The following PLEKHG7 variants were observed in gnomAD, a reference collection of about 807,000 sequenced individuals.
PLEKHG7 encodes the protein pleckstrin homology and RhoGEF domain containing G7, also known as pleckstrin homology domain-containing family G member 7.
Under a neutral mutation model 85.2 loss-of-function variants are expected in PLEKHG7, and 77 were observed. The ratio of observed to expected loss-of-function variants is 0.90; its 90% confidence interval spans 0.75 to 1.09. The LOEUF (loss-of-function observed/expected upper bound fraction) is 1.09. Among genes scored for constraint, PLEKHG7 ranks in the 50% least tolerant of loss-of-function variants. PLEKHG7 has a pLI of 0.00. For missense variants in PLEKHG7, 777 were observed against 804.3 expected, an observed-to-expected ratio of 0.97 and a Z score of 0.41; for synonymous variants, 301 against 302.4, an observed-to-expected ratio of 1.00 and a Z score of 0.05.
intron 3 of PLEKHG7, among the ~76,000 whole-genome samples, chr12:92,725,283 G>C (rs1425664784): frequency 6.6e-6 from 1 of 152,168 alleles, no homozygotes; most frequent in Non-Finnish European, 1.5e-5. Flanking sequence ...GCAAAGTAAG[G>C]AATATCAGGC....
chr12:92,728,732 T>G (rs1284594175), intron 3 of PLEKHG7, among the ~76,000 whole-genome samples: 2 of 152,006 alleles, frequency 1.3e-5, no homozygotes, highest in African/African-American at 4.8e-5. Context: ...TTTTTTATAT[T>G]ATGATTTCTT....
At chr12:92,735,576 A>G (rs969819340) in intron 5 of PLEKHG7, among the ~76,000 whole-genome samples, 5 of 152,256 alleles carry the variant, frequency 3.3e-5, no homozygotes, top group African/African-American at 9.6e-5. Flanking sequence ...AAATGCAGCC[A>G]AGCTGACTTT....
chr12:92,747,057 G>C (rs2136612208), intron 10 of PLEKHG7, among the ~76,000 whole-genome samples: 1 of 152,222 alleles, frequency 6.6e-6, no homozygotes, highest in Non-Finnish European at 1.5e-5. Flanking sequence ...AACGGCTCCT[G>C]CACAGCAGAA....
chr12:92,706,745 C>T lies in PLEKHG7; in HGVS notation c.114C>T (p.Asp38=), dbSNP rs752994945. 1.2e-6 allele frequency: 2 copies of T among 1,614,048 alleles called. No homozygotes were observed. The highest frequency in any genetic ancestry group is 1.7e-6 in the Non-Finnish European group (2 of 1,180,022). ...PKNQGSLLQF[D]RQAPGRISTS... ...ACCAGGGGAGTCTCCTCCAGTTTGA[C>T]CGGCAAGCCCCAGGCCGCATCTCCA... The change falls in exon 2 of 17, where the codon GAC becomes GAT. Residue 38 remains aspartate (D), a synonymous_variant. Transcript: ENST00000344636.
At chr12:92,749,121 C>A (rs1049430446) in intron 10 of PLEKHG7, among the ~76,000 whole-genome samples, 1 of 152,090 alleles carries the variant, frequency 6.6e-6, no homozygotes, top group Non-Finnish European at 1.5e-5. Flanking sequence ...AGAACGTAAA[C>A]CTATGCCATG....
chr12:92,713,566 C>T (rs377153786), intron 3 of PLEKHG7, among the ~76,000 whole-genome samples: 3 of 152,268 alleles, frequency 2.0e-5, no homozygotes, highest in East Asian at 3.9e-4. Context: ...GACTGCAGTT[C>T]CCACTGTTAG....
rs751861450 is a variant in PLEKHG7 at position 92,756,352 on chromosome 12, A to G, written c.1597A>G (p.Ser533Gly). The G allele has an allele frequency of 6.2e-7, 1 of 1,613,454 alleles. No individual in the cohort carries two copies. Among genetic ancestry groups the G allele is most frequent in the South Asian group, 1.1e-5 (1 of 91,060 alleles). The change falls in exon 13 of 17, where the codon AGC becomes GGC. Residue 533 changes from serine (S) to glycine (G), a missense_variant. By Grantham distance (56) the Ser-to-Gly change is moderately conservative (BLOSUM62 0). Transcript: ENST00000344636. ...GGCAGAAAACATCTTGTCACCAACC[A>G]GCAGACACCTTCTCTATGAAGGAAA... ...HMAENILSPT[S>G]RHLLYEGKLT...
At chr12:92,769,132 C>T in intron 16 of PLEKHG7, 52 bp downstream of exon 16, 1 of 1,312,728 alleles carries the variant, frequency 7.6e-7, no homozygotes, top group East Asian at 2.4e-5. Flanking sequence ...TACATAAGCT[C>T]CCCCCAAGTG....
At position 92,771,151 on chromosome 12, in the gene PLEKHG7, A is replaced by C. The variant is rs1298826293; in HGVS notation, c.*956A>C. ...TACTATTAACTACATTCAAGGAACT[A>C]GTTCTTAGGGTCAGATTATTGCATC... On this transcript the variant is annotated 3_prime_UTR_variant, in exon 17 of 17. Coordinates refer to ENST00000344636, the MANE Select transcript of PLEKHG7 (RefSeq NM_001377329.1). 1 of 152,108 alleles carries C rather than the reference A, an allele frequency of 6.6e-6. No individual in the cohort carries two copies. The highest frequency in any genetic ancestry group is 1.5e-5 in the Non-Finnish European group (1 of 67,986). 9.4% of individuals were successfully genotyped at this position (152,108 alleles called of 1,614,324 possible).
intron 10 of PLEKHG7, among the ~76,000 whole-genome samples, chr12:92,748,917 G>A (rs537445236): frequency 2.0e-5 from 3 of 152,292 alleles, no homozygotes; most frequent in East Asian, 3.9e-4. Flanking sequence ...CTACATGCTG[G>A]TCATCCATCC....
chr12:92,748,840 C>T (rs1872608859), intron 10 of PLEKHG7, among the ~76,000 whole-genome samples: 1 of 152,214 alleles, frequency 6.6e-6, no homozygotes, highest in Non-Finnish European at 1.5e-5. Flanking sequence ...GGTGAGAGGT[C>T]AGGGAGAGAC....
At chr12:92,723,237 G>T (rs1298845916) in intron 3 of PLEKHG7, among the ~76,000 whole-genome samples, 1 of 152,134 alleles carries the variant, frequency 6.6e-6, no homozygotes, top group African/African-American at 2.4e-5. Context: ...TGTGGATTGG[G>T]TTATTGTTCC....
chr12:92,731,925 G>A (rs1474146951), intron 4 of PLEKHG7, among the ~76,000 whole-genome samples: 1 of 152,108 alleles, frequency 6.6e-6, no homozygotes, highest in Admixed American at 6.6e-5. Context: ...AACATCTTCA[G>A]TACAGTTTAT....
chr12:92,761,634 G>GAAAGAAAGAA (rs1440738728), intron 13 of PLEKHG7, 118 bp from the exon 14 acceptor site: 1 of 278,128 alleles, frequency 3.6e-6, no homozygotes, highest in African/African-American at 5.9e-5. Flanking sequence ...AAGAAAGAAA[G>GAAAGAAAGAA]AAAGAAAGAA....
intron 3 of PLEKHG7, among the ~76,000 whole-genome samples, chr12:92,727,962 G>GTA (rs1555194873): frequency 0.01 from 1,003 of 96,572 alleles, 149 homozygotes; most frequent in African/African-American, 0.026. Context: ...GTGTGTGTGT[G>GTA]TATATATATA....
chr12:92,733,839 C>T (rs1441015070), intron 5 of PLEKHG7, among the ~76,000 whole-genome samples: 2 of 152,216 alleles, frequency 1.3e-5, no homozygotes, highest in Non-Finnish European at 1.5e-5. Flanking sequence ...ACTTGTTCTA[C>T]ACACATGTGT....
intron 11 of PLEKHG7, among the ~76,000 whole-genome samples, chr12:92,754,613 G>A (rs1872776713): frequency 6.6e-6 from 1 of 152,180 alleles, no homozygotes. Flanking sequence ...GCAAATGGGA[G>A]TAAACACCAT....
chr12:92,744,485 A>G (rs1035844799), intron 9 of PLEKHG7, among the ~76,000 whole-genome samples: 10 of 152,164 alleles, frequency 6.6e-5, no homozygotes, highest in Admixed American at 1.3e-4. Flanking sequence ...TAAATTAACA[A>G]TTTGCCTTAT....
intron 7 of PLEKHG7, 123 bp downstream of exon 7, chr12:92,737,644 G>C (rs1872199148): frequency 1.1e-6 from 1 of 909,334 alleles, no homozygotes; most frequent in African/African-American, 1.7e-5. Context: ...GAGAAAGAGA[G>C]ACAAAGAGAA....
Sources: allele counts gnomAD v4.1 joint callset (sites outside exome capture counted in the v4.1 genomes callset), GRCh38; gene constraint gnomAD v4.1.1; transcripts MANE v1.5; gene names NCBI Gene and HGNC (gene_info 2026-07-23, HGNC 2026-07-21).